TMEM214: variants seen among roughly 807,000 people sequenced by gnomAD.
TMEM214 encodes transmembrane protein 214.
TMEM214 carries 71 observed loss-of-function variants against 89.8 expected under a neutral mutation model. The ratio of observed to expected loss-of-function variants is 0.79; its 90% CI spans 0.65 to 0.96. The LOEUF (loss-of-function observed/expected upper bound fraction) is 0.96. Among genes scored for constraint, TMEM214 ranks in the 40% least tolerant of loss-of-function variants. The pLI, the probability that TMEM214 is intolerant of heterozygous loss-of-function variation, is 0.00. For synonymous variants in TMEM214, 332 were observed against 349.5 expected, an observed-to-expected ratio of 0.95 and a Z score of 0.56; for missense variants, 754 against 843.4, an observed-to-expected ratio of 0.89 and a Z score of 1.31.
chr2:27,036,838 G>A (rs1667588277), intron 7 of TMEM214, 52 bp downstream of exon 7: 3 of 1,579,426 alleles, frequency 1.9e-6, no homozygotes, highest in South Asian at 1.1e-5. Context: ...CCAAGTGGCT[G>A]TTATAGCAAA....
rs1403844709 is a variant in TMEM214 at position 27,035,748 on chromosome 2, G to A, written c.637+20G>A. ...CACCAGGTGAAAGGGGCACGGGAGG[G>A]ATGACCATCTTGGGAGCCTCCTCCT... On this transcript the variant is annotated intron_variant, in intron 4 of 16. Transcript: ENST00000238788. 2 of 1,614,052 alleles carry A rather than the reference G, an allele frequency of 1.2e-6. No individual in the cohort carries two copies. Among genetic ancestry groups the A allele is most frequent in the African/African-American group, 2.7e-5 (2 of 75,042 alleles).
chr2:27,035,074 T>C, intron 2 of TMEM214, 61 bp from the exon 3 acceptor site: 1 of 1,599,594 alleles, frequency 6.3e-7, no homozygotes, highest in Non-Finnish European at 8.5e-7. Flanking sequence ...CCCTACCCCA[T>C]TTCTTTACTC....
At chr2:27,039,883 G>C in intron 14 of TMEM214, 46 bp downstream of exon 14, 14 of 1,529,880 alleles carry the variant, frequency 9.2e-6, no homozygotes, top group Non-Finnish European at 1.2e-5. Flanking sequence ...AAGAGAGAAG[G>C]CCTGGGTGTC....
intron 13 of TMEM214, 88 bp from the exon 14 acceptor site, chr2:27,039,653 G>A (rs1271056515): frequency 8.6e-6 from 10 of 1,163,018 alleles, no homozygotes; most frequent in South Asian, 1.2e-5. Context: ...CCAGCGCCTC[G>A]CTGTGCCTGC....
intron 3 of TMEM214, 115 bp from the exon 4 acceptor site, chr2:27,035,479 C>T (rs1667514533): frequency 1.3e-6 from 2 of 1,490,978 alleles, no homozygotes; most frequent in Non-Finnish European, 1.8e-6. Context: ...GGAAGGATCC[C>T]AGCCTCAGTG....
At chr2:27,033,263 C>T in intron 1 of TMEM214, 97 bp downstream of exon 1, 1 of 1,144,894 alleles carries the variant, frequency 8.7e-7, no homozygotes, top group Non-Finnish European at 1.1e-6. Flanking sequence ...GCAGGCACAT[C>T]CCCGAGCGCC....
At chr2:27,034,004 C>G in intron 1 of TMEM214, 63 bp from the exon 2 acceptor site, 1 of 1,563,324 alleles carries the variant, frequency 6.4e-7, no homozygotes, top group South Asian at 1.1e-5. Flanking sequence ...AAAGGGACCA[C>G]TGATAGGTGA....
rs1209287275 is a variant in TMEM214, at chr2:27,040,894, G to T, written c.*57G>T. On this transcript the variant is annotated 3_prime_UTR_variant, in exon 17 of 17. Transcript: ENST00000238788. Reference sequence around the variant, plus strand: ...GGGTAGACCATCCAAGACTGCAGCGGGTAGAAGGTGGCAGTTCTTCATGGG... The same window carrying T: ...GGGTAGACCATCCAAGACTGCAGCGTGTAGAAGGTGGCAGTTCTTCATGGG... 8 of 1,586,938 alleles carry T rather than the reference G, an allele frequency of 5.0e-6. No homozygotes were observed. Among genetic ancestry groups the T allele is most frequent in the Non-Finnish European group, 6.0e-6 (7 of 1,159,684 alleles).
At chr2:27,036,347 G>T in intron 5 of TMEM214, 140 bp from the exon 6 acceptor site, 1 of 778,428 alleles carries the variant, frequency 1.3e-6, no homozygotes, top group African/African-American at 1.7e-5. Flanking sequence ...AACAGAACCT[G>T]CACCACGTGG....
chr2:27,036,346 T>C, intron 5 of TMEM214, 141 bp from the exon 6 acceptor site: 1 of 777,604 alleles, frequency 1.3e-6, no homozygotes, highest in Admixed American at 2.0e-5. Context: ...AAACAGAACC[T>C]GCACCACGTG....
rs561161498 is a variant in TMEM214, at chr2:27,035,478, C to G, written c.503-116C>G. 8.1e-5 allele frequency: 121 copies of G among 1,485,780 alleles called. No individual in the cohort carries two copies. The East Asian group carries it at 2.5e-3, about 30-fold the overall frequency. The allele number at this position is 1,485,780 out of a possible 1,614,324, so 92.0% of individuals were successfully genotyped here. On this transcript the variant is annotated intron_variant, in intron 3 of 16. Transcript: ENST00000238788. ...TCTGGGCCTCCTCAGAGGAAGGATC[C>G]CAGCCTCAGTGCAGGGGCCTTTGCC...
chr2:27,033,093 C>T lies in TMEM214; in HGVS notation c.78C>T (p.Ala26=), dbSNP rs1425279963. 8.0e-7 allele frequency: 1 copy of T among 1,247,790 alleles called. No individual in the cohort carries two copies. The highest frequency in any genetic ancestry group is 4.2e-5 in the Admixed American group (1 of 23,714). 77.3% of individuals were successfully genotyped at this position (1,247,790 alleles called of 1,614,324 possible). A position where few individuals can be genotyped will look rare whatever the true frequency, so the allele number is the denominator to read the frequency against. ...GGCGGCCTGGGGTCGGCGCCGGCGC[C>T]GGCGGCCGAGGAGGCGGCAGGAACC... ...KGRRPGVGAG[A]GGRGGGRNRR... is the part of the protein sequence containing the mutation. Residue 26 remains alanine, a synonymous_variant, in exon 1 of 17, where the codon GCC becomes GCT. Transcript: ENST00000238788.
In TMEM214 at chr2:27,039,790, C is replaced by T. The variant is rs146450073; in HGVS notation, c.1575C>T (p.Ser525=). The T allele has an allele frequency of 5.6e-4, 905 of 1,614,232 alleles. 10 individuals carry two copies. In the East Asian group the frequency reaches 0.015, roughly 26 times the overall value. The change falls in exon 14 of 17, where the codon AGC becomes AGT. Residue 525 remains serine, a synonymous_variant. Coordinates refer to ENST00000238788, the MANE Select transcript of TMEM214 (RefSeq NM_017727.5). Reference sequence around the variant, plus strand: ...GATCATCTGGCTTCTTACCTGCTAGCCAACAAGCGTGTGCCAAGCTCTACT... The same window carrying T: ...GATCATCTGGCTTCTTACCTGCTAGTCAACAAGCGTGTGCCAAGCTCTACT... The part of the protein sequence containing the change: ...LLRSSGFLPA[S]QQACAKLYSY...
intron 16 of TMEM214, 50 bp downstream of exon 16, chr2:27,040,546 C>A: frequency 6.2e-7 from 1 of 1,600,896 alleles, no homozygotes; most frequent in Non-Finnish European, 8.5e-7. Context: ...GCCCCATTCC[C>A]GGGCCCCAGG....
In TMEM214 at chr2:27,040,109, C is replaced by T. The variant is rs751736667; in HGVS notation, c.1702C>T (p.His568Tyr). The T allele has an allele frequency of 2.9e-5, 46 of 1,609,302 alleles. No homozygotes were observed. The highest frequency in any genetic ancestry group is 8.3e-5 in the Admixed American group (5 of 60,010). ...VRPSLQLAWA[H>Y]TNATVSFLSA... ...GCCCAGCTTGCAGCTGGCCTGGGCT[C>T]ACACCAATGCCACAGTCAGCTTCCT... Residue 568 changes from histidine (H) to tyrosine (Y), a missense_variant, in exon 15 of 17, where the codon CAC (histidine) becomes TAC (tyrosine). His to Tyr is a moderately conservative substitution (Grantham distance 83). Transcript: ENST00000238788.
In TMEM214 at chr2:27,040,345, C is replaced by T; in HGVS notation, c.1792C>T (p.Leu598=). The change falls in exon 16 of 17, where the codon CTA becomes TTA. Residue 598 remains leucine (L), a splice_region_variant and synonymous_variant. Coordinates refer to ENST00000238788, the MANE Select transcript of TMEM214 (RefSeq NM_017727.5). ...ACCCCATCCATTCTCCATGGTCCAG[C>T]TACAGATCCAGCTCCCCGATTCCGT... ...GDSLTSLSQR[L]QIQLPDSVNQ... is the part of the protein sequence containing the mutation. 1 of 1,614,172 alleles carries T rather than the reference C, an allele frequency of 6.2e-7. No homozygotes were observed. Among genetic ancestry groups the T allele is most frequent in the Non-Finnish European group, 8.5e-7 (1 of 1,180,012 alleles).
Position 27,041,002 on chromosome 2 carries a change from A to T in TMEM214, c.*165A>T. 4 of 807,606 alleles carry T rather than the reference A, an allele frequency of 5.0e-6. No individual in the cohort carries two copies. Among genetic ancestry groups the T allele is most frequent in the Non-Finnish European group, 5.8e-6 (3 of 521,024 alleles). 50.0% of individuals were successfully genotyped at this position (807,606 alleles called of 1,614,324 possible). A position where few individuals can be genotyped will look rare whatever the true frequency, so the allele number is the denominator to read the frequency against. ...CTCAGTTCTTCCATCTTTGGTGGGGACAGGGCCCAGCAGCATCTCAGCCTC... is the reference window on the plus strand; with the variant it reads ...CTCAGTTCTTCCATCTTTGGTGGGGTCAGGGCCCAGCAGCATCTCAGCCTC... On this transcript the variant is annotated 3_prime_UTR_variant, in exon 17 of 17. Coordinates refer to ENST00000238788, the MANE Select transcript of TMEM214 (RefSeq NM_017727.5).
chr2:27,036,468 T>C lies in TMEM214; in HGVS notation c.721-19T>C. On this transcript the variant is annotated intron_variant, in intron 5 of 16. Coordinates refer to ENST00000238788, the MANE Select transcript of TMEM214 (RefSeq NM_017727.5). ...TGTTTTGTCCTATCCCAATCTGCCT[T>C]CCCCACCGGTCTCCTCAGTTCCTGG... 1 of 1,606,466 alleles carries C rather than the reference T, an allele frequency of 6.2e-7. No individual in the cohort carries two copies.
intron 8 of TMEM214, 48 bp from the exon 9 acceptor site, chr2:27,037,513 C>T: frequency 2.5e-6 from 4 of 1,612,736 alleles, no homozygotes; most frequent in Non-Finnish European, 3.4e-6. Context: ...TCATATCATA[C>T]AGCTCCACTT....
Sources: gnomAD v4.1 joint callset for allele counts on GRCh38, gnomAD v4.1.1 for gene constraint, MANE v1.5 for transcripts, NCBI Gene and HGNC (gene_info 2026-07-23, HGNC 2026-07-21) for gene names.